The following ABTB2 variants were observed in gnomAD, a reference collection of about 807,000 sequenced individuals.
The protein encoded by ABTB2 is ankyrin repeat and BTB/POZ domain-containing protein 2.
A neutral mutation model predicts 104.1 loss-of-function variants in ABTB2; 56 were observed. That is an observed-to-expected ratio of 0.54 (90% confidence interval 0.43 to 0.67). The LOEUF (loss-of-function observed/expected upper bound fraction) is 0.67. Among genes scored for constraint, ABTB2 ranks in the 30% least tolerant of loss-of-function variants. The pLI, the probability that ABTB2 is intolerant of heterozygous loss-of-function variation, is 0.00. For synonymous variants in ABTB2, 606 were observed against 608.2 expected (o/e 1.00, Z 0.05); for missense variants, 1,279 against 1,407.7 (o/e 0.91, Z 1.46).
intron 1 of ABTB2, among the ~76,000 whole-genome samples, chr11:34,221,318 C>T (rs1392776598): frequency 6.6e-6 from 1 of 152,180 alleles, no homozygotes; most frequent in African/African-American, 2.4e-5. Context: ...TTAAGGCCTA[C>T]CCTCATGACC....
chr11:34,321,857 G>T (rs1055890778), intron 1 of ABTB2, among the ~76,000 whole-genome samples: 1 of 152,190 alleles, frequency 6.6e-6, no homozygotes, highest in Non-Finnish European at 1.5e-5. Flanking sequence ...CTTGAACTGG[G>T]TCACATGCCT....
At chr11:34,349,551 C>G (rs1564938808) in intron 1 of ABTB2, among the ~76,000 whole-genome samples, 2 of 152,358 alleles carry the variant, frequency 1.3e-5, no homozygotes, top group Middle Eastern at 3.4e-3. Context: ...GGATCCAACA[C>G]AAGTTTGTTA....
intron 3 of ABTB2, among the ~76,000 whole-genome samples, chr11:34,175,999 G>T (rs2047068759): frequency 6.6e-6 from 1 of 152,144 alleles, no homozygotes; most frequent in African/African-American, 2.4e-5. Flanking sequence ...AAAAAAAGGG[G>T]GGCTGGGTGC....
At chr11:34,270,093 C>T (rs1259160504) in intron 1 of ABTB2, among the ~76,000 whole-genome samples, 6 of 152,308 alleles carry the variant, frequency 3.9e-5, no homozygotes, top group East Asian at 1.9e-4. Context: ...GCTTCATGCA[C>T]GGATGCACAA....
At chr11:34,170,666 GCCAGCTGT>G (rs1284420210) in intron 5 of ABTB2, among the ~76,000 whole-genome samples, 1 of 152,204 alleles carries the variant, frequency 6.6e-6, no homozygotes, top group Admixed American at 6.5e-5. Flanking sequence ...TGAAACAGTG[GCCAGCTGT>G]CCAGCCAGGG....
chr11:34,315,898 A>G (rs1278727028), intron 1 of ABTB2, among the ~76,000 whole-genome samples: 1 of 152,158 alleles, frequency 6.6e-6, no homozygotes, highest in Non-Finnish European at 1.5e-5. Flanking sequence ...CAGTGGAGAA[A>G]CCTGAGGTGG....
At chr11:34,167,492 G>T in intron 6 of ABTB2, 132 bp from the exon 7 acceptor site, 1 of 790,026 alleles carries the variant, frequency 1.3e-6, no homozygotes, top group Non-Finnish European at 2.1e-6. Context: ...GCACAAAGTG[G>T]ACAAGGCTCA....
chr11:34,321,365 A>T (rs918788679), intron 1 of ABTB2, among the ~76,000 whole-genome samples: 11 of 152,258 alleles, frequency 7.2e-5, no homozygotes, highest in Non-Finnish European at 1.5e-4. Flanking sequence ...ATATTCACCA[A>T]CCAATTGGAA....
At chr11:34,245,387 C>A (rs1853972926) in intron 1 of ABTB2, among the ~76,000 whole-genome samples, 1 of 152,188 alleles carries the variant, frequency 6.6e-6, no homozygotes, top group African/African-American at 2.4e-5. Context: ...CTACAGCAAA[C>A]CACCCAGGAC....
At position 34,152,316 on chromosome 11, in the gene ABTB2, C is replaced by G; in HGVS notation, c.*71G>C. On this transcript the variant is annotated 3_prime_UTR_variant, in exon 17 of 17. Coordinates refer to ENST00000435224, the MANE Select transcript of ABTB2 (RefSeq NM_145804.3). ...GTGAACCTGGCTCCAAGAGGGCCTACAACCATACCCCGACATGGTGGGCCC... is the reference window on the plus strand; with the variant it reads ...GTGAACCTGGCTCCAAGAGGGCCTAGAACCATACCCCGACATGGTGGGCCC... The G allele has an allele frequency of 2.7e-6, 4 of 1,491,100 alleles. No individual in the cohort carries two copies. The highest frequency in any genetic ancestry group is 2.7e-6 in the Non-Finnish European group (3 of 1,114,098). 92.4% of individuals were successfully genotyped at this position (1,491,100 alleles called of 1,614,324 possible).
intron 1 of ABTB2, among the ~76,000 whole-genome samples, chr11:34,334,528 T>A (rs187960478): frequency 1.3e-5 from 2 of 152,314 alleles, no homozygotes; most frequent in Admixed American, 6.5e-5. Flanking sequence ...TTTATCATAA[T>A]CCTTGGTTCA....
chr11:34,306,028 C>T (rs984684052), intron 1 of ABTB2, among the ~76,000 whole-genome samples: 14 of 152,040 alleles, frequency 9.2e-5, no homozygotes, highest in East Asian at 3.9e-4. Flanking sequence ...TTCATTTGTT[C>T]GTATAAAAAA....
At chr11:34,241,214 G>C (rs1012850122) in intron 1 of ABTB2, among the ~76,000 whole-genome samples, 1 of 152,206 alleles carries the variant, frequency 6.6e-6, no homozygotes, top group Non-Finnish European at 1.5e-5. Flanking sequence ...GGGAATAACA[G>C]ATTACAGTAA....
chr11:34,294,791 T>C (rs1406829158), intron 1 of ABTB2, among the ~76,000 whole-genome samples: 2 of 39,404 alleles, frequency 5.1e-5, no homozygotes, highest in African/African-American at 2.7e-4. Context: ...TCTCAGCTCA[T>C]GTAACCTCCA....
intron 10 of ABTB2, 147 bp from the exon 11 acceptor site, chr11:34,161,228 T>G (rs1480759993): frequency 2.7e-6 from 2 of 748,604 alleles, no homozygotes; most frequent in African/African-American, 3.9e-5. Flanking sequence ...GCCCCCTTCC[T>G]GGGCATGGAG....
intron 1 of ABTB2, among the ~76,000 whole-genome samples, chr11:34,276,212 T>C (rs1854379985): frequency 6.6e-6 from 1 of 151,080 alleles, no homozygotes. Context: ...GTGCTGCTTG[T>C]TTGGTTAAAA....
In ABTB2 at chr11:34,256,963, A is replaced by G. The variant is rs766202252; in HGVS notation, c.884-52273T>C. ...TTGAGTTGCTCTGAACTGCTACCCA[A>G]CCAGGGCTCATCTACACACAGAGCC... is the stretch of plus-strand genomic sequence containing the variant. On this transcript the variant is annotated intron_variant, in intron 1 of 16. Transcript: ENST00000435224. Among the ~76,000 whole-genome samples, 279 of 151,466 alleles carry G rather than the reference A, an allele frequency of 1.8e-3. 1 individual carries two copies. The highest frequency in any genetic ancestry group is 3.4e-3 in the Middle Eastern group (1 of 294).
chr11:34,311,494 C>T (rs986869750), intron 1 of ABTB2, among the ~76,000 whole-genome samples: 2 of 152,178 alleles, frequency 1.3e-5, no homozygotes, highest in South Asian at 2.1e-4. Flanking sequence ...ACAAGTCCCT[C>T]GGCCACTCTC....
chr11:34,219,129 A>G (rs911498), intron 1 of ABTB2, among the ~76,000 whole-genome samples: 116,339 of 152,064 alleles, frequency 0.77, 44,968 homozygotes, highest in East Asian at 0.86. Flanking sequence ...TACACAAATA[A>G]TTTAAGTAGA....
Sources: allele counts gnomAD v4.1 joint callset (sites outside exome capture counted in the v4.1 genomes callset), GRCh38; gene constraint gnomAD v4.1.1; transcripts MANE v1.5; gene names NCBI Gene and HGNC (gene_info 2026-07-23, HGNC 2026-07-21).